The following C4orf51 variants were observed in gnomAD, a reference collection of about 807,000 sequenced individuals.
The protein encoded by C4orf51 is chromosome 4 open reading frame 51.
In C4orf51, 25 loss-of-function variants were observed where a neutral mutation model predicts 25.2. The observed-to-expected ratio is 0.99, with a 90% CI of 0.72 to 1.39. C4orf51 has a LOEUF of 1.39. C4orf51 is among the 40% of genes most tolerant of loss of function. C4orf51 has a pLI of 0.00. For missense variants in C4orf51, 252 were observed against 239.6 expected (o/e 1.05, Z -0.34); for synonymous variants, 100 against 84.5 (o/e 1.18, Z -1.01).
rs765446268 is a variant in C4orf51 at position 145,726,899 on chromosome 4, A to G, written c.308-12A>G. The stretch of plus-strand genomic sequence containing the variant: ...CATTTAATCCTGATTTTCCCTCTTC[A>G]TGTGCATGCAGGACTATTCCCTGAT... On this transcript the variant is annotated splice_polypyrimidine_tract_variant and intron_variant, in intron 2 of 5. Coordinates refer to ENST00000438731, the MANE Select transcript of C4orf51 (RefSeq NM_001080531.3). 9.6e-5 allele frequency: 154 copies of G among 1,607,718 alleles called. No homozygotes were observed. The highest frequency in any genetic ancestry group is 1.3e-4 in the Non-Finnish European group (152 of 1,175,076).
chr4:145,694,672 A>G, intron 1 of C4orf51, among the ~76,000 whole-genome samples: 1 of 133,844 alleles, frequency 7.5e-6, no homozygotes, highest in South Asian at 2.6e-4. Flanking sequence ...CCGCCCGGCC[A>G]GCCGCCCCGT....
chr4:145,776,511 T>C, the C4orf51 span, among the ~76,000 whole-genome samples: 9 of 150,828 alleles, frequency 6.0e-5, no homozygotes, highest in Admixed American at 5.3e-4. Context: ...ATAGATAACC[T>C]GCTTTTTTTT....
At chr4:145,701,435 G>A (rs112835732) in intron 2 of C4orf51, among the ~76,000 whole-genome samples, 30,446 of 151,888 alleles carry the variant, frequency 0.2, 3,211 homozygotes, top group East Asian at 0.32. Flanking sequence ...CTCCTAAGCC[G>A]TGTCCCATCT....
At chr4:145,729,263 AT>A in intron 4 of C4orf51, 34 bp downstream of exon 4, 1 of 1,086,048 alleles carries the variant, frequency 9.2e-7, no homozygotes, top group Non-Finnish European at 1.3e-6. Context: ...CTTTACATCC[AT>A]TTTCTGGCCT....
chr4:145,774,749 A>T, downstream of C4orf51: 1 of 1,467,060 alleles, frequency 6.8e-7, no homozygotes. Context: ...GTCCATTTAT[A>T]CACAGTACAC....
intron 1 of C4orf51, among the ~76,000 whole-genome samples, chr4:145,768,903 AT>A (rs1270625272): frequency 0.019 from 580 of 31,286 alleles, 97 homozygotes; most frequent in African/African-American, 0.045. Context: ...ATATATATAT[AT>A]ATATATATAT....
At chr4:145,783,562 G>A in the C4orf51 span, among the ~76,000 whole-genome samples, 2 of 152,240 alleles carry the variant, frequency 1.3e-5, no homozygotes, top group Non-Finnish European at 2.9e-5. Context: ...GCTATTTTCA[G>A]TTAACCCAAC....
chr4:145,719,304 G>A (rs1731589789), intron 2 of C4orf51, among the ~76,000 whole-genome samples: 1 of 152,076 alleles, frequency 6.6e-6, no homozygotes, highest in Non-Finnish European at 1.5e-5. Flanking sequence ...TTAAAACATA[G>A]TGTATAGAAG....
chr4:145,705,013 C>G (rs1444960253), intron 2 of C4orf51, among the ~76,000 whole-genome samples: 1 of 152,206 alleles, frequency 6.6e-6, no homozygotes, highest in East Asian at 1.9e-4. Flanking sequence ...GGCCTTGCAT[C>G]CCTTCTCCCC....
At chr4:145,729,432 G>A (rs917769897) in intron 4 of C4orf51, among the ~76,000 whole-genome samples, 11 of 150,402 alleles carry the variant, frequency 7.3e-5, no homozygotes, top group East Asian at 2.0e-4. Context: ...CTCCCGAGTA[G>A]CTGGGACTAC....
chr4:145,721,623 T>C (rs1186013302), intron 2 of C4orf51, among the ~76,000 whole-genome samples: 1 of 152,214 alleles, frequency 6.6e-6, no homozygotes, highest in Admixed American at 6.5e-5. Context: ...TATTCAAGTG[T>C]AAGGCAACAG....
intron 1 of C4orf51, among the ~76,000 whole-genome samples, chr4:145,739,872 C>T (rs1732999819): frequency 6.6e-6 from 1 of 152,180 alleles, no homozygotes; most frequent in Non-Finnish European, 1.5e-5. Flanking sequence ...GATGCTGCTA[C>T]TCTCACTAGA....
intron 1 of C4orf51, among the ~76,000 whole-genome samples, chr4:145,741,743 G>A (rs1733111558): frequency 6.6e-6 from 1 of 151,992 alleles, no homozygotes; most frequent in East Asian, 1.9e-4. Flanking sequence ...TGTCGCCCAG[G>A]CTGGCGTGCA....
At chr4:145,773,962 T>C (rs1736659214), downstream of C4orf51, among the ~76,000 whole-genome samples, 1 of 152,020 alleles carries the variant, frequency 6.6e-6, no homozygotes, top group Admixed American at 6.5e-5. Flanking sequence ...GAGAGCAAGC[T>C]CTGGAATGAA....
chr4:145,693,239 C>T (rs1439406481), intron 1 of C4orf51, among the ~76,000 whole-genome samples: 5 of 149,910 alleles, frequency 3.3e-5, no homozygotes, highest in Middle Eastern at 3.2e-3. Context: ...TGACTCTTAA[C>T]GAGCATGCTG....
chr4:145,701,323 C>T (rs565021561), intron 2 of C4orf51, among the ~76,000 whole-genome samples: 6 of 152,224 alleles, frequency 3.9e-5, no homozygotes, highest in African/African-American at 9.6e-5. Flanking sequence ...ACGCCTAAAC[C>T]GAAGTGCCCA....
chr4:145,770,347 T>TAAAA (rs1282940936), intron 1 of C4orf51, among the ~76,000 whole-genome samples: 76 of 53,818 alleles, frequency 1.4e-3, no homozygotes, highest in Admixed American at 2.1e-3. Context: ...AATAAATAAA[T>TAAAA]AAAATAGATC....
intron 2 of C4orf51, among the ~76,000 whole-genome samples, chr4:145,725,329 T>C (rs370936238): frequency 8.5e-5 from 13 of 152,324 alleles, no homozygotes; most frequent in African/African-American, 3.1e-4. Flanking sequence ...CTTCATTCAT[T>C]GCTGGTGGGA....
chr4:145,724,813 G>A lies in C4orf51; in HGVS notation c.308-2098G>A, dbSNP rs113016524. Among the ~76,000 whole-genome samples, 667 of 142,598 alleles carry A rather than the reference G, an allele frequency of 4.7e-3. 4 individuals are homozygous for A. The highest frequency in any genetic ancestry group is 0.016 in the African/African-American group (610 of 38,636). The allele number at this position is 142,598 out of a possible 152,430, so 93.5% of individuals were successfully genotyped here. On this transcript the variant is annotated intron_variant, in intron 2 of 5. Coordinates refer to ENST00000438731, the MANE Select transcript of C4orf51 (RefSeq NM_001080531.3). ...GCAGGAGGATCCCTTGAGCCTGGAA[G>A]TTGGAGGTTGCAGTGAGCCATGATC...
Sources: gnomAD v4.1 joint callset for allele counts (sites outside exome capture counted in the v4.1 genomes callset) on GRCh38, gnomAD v4.1.1 for gene constraint, MANE v1.5 for transcripts, NCBI Gene and HGNC (gene_info 2026-07-23, HGNC 2026-07-21) for gene names.